SAE1: variants seen among roughly 807,000 people sequenced by gnomAD.
SAE1 encodes the protein SUMO-activating enzyme subunit 1.
A neutral mutation model predicts 40.6 loss-of-function variants in SAE1; 11 were observed. The observed-to-expected ratio is 0.27, with a 90% CI of 0.17 to 0.45. SAE1 has a LOEUF of 0.45. SAE1 is among the 20% of genes least tolerant of loss of function. SAE1 has a pLI of 1.00. For missense variants in SAE1, 373 were observed against 427.3 expected (o/e 0.87, Z 1.12); for synonymous variants, 155 against 154.3 (o/e 1.00, Z -0.03).
chr19:47,132,242 C>G (rs987781686), intron 1 of SAE1, among the ~76,000 whole-genome samples: 3 of 150,508 alleles, frequency 2.0e-5, no homozygotes, highest in African/African-American at 4.9e-5. Flanking sequence ...GGATTACAGA[C>G]GTGAGCCACT....
intron 6 of SAE1, chr19:47,180,004 C>T (rs925984717): frequency 2.5e-4 from 87 of 349,526 alleles, no homozygotes; most frequent in Non-Finnish European, 6.2e-5. Flanking sequence ...TGAATGTGGA[C>T]AGTGGGAAAG....
At chr19:47,179,847 T>A (rs2058495340) in intron 6 of SAE1, among the ~76,000 whole-genome samples, 1 of 152,168 alleles carries the variant, frequency 6.6e-6, no homozygotes, top group African/African-American at 2.4e-5. Flanking sequence ...TGAGCCACTT[T>A]GCCTGGCCTA....
chr19:47,160,371 G>A (rs547400242), intron 5 of SAE1, among the ~76,000 whole-genome samples: 4 of 148,352 alleles, frequency 2.7e-5, no homozygotes, highest in Admixed American at 6.8e-5. Flanking sequence ...ACAGGTGCGC[G>A]CCACCACGCC....
At chr19:47,183,802 C>T (rs2058526048) in intron 6 of SAE1, among the ~76,000 whole-genome samples, 2 of 152,202 alleles carry the variant, frequency 1.3e-5, no homozygotes, top group African/African-American at 4.8e-5. Context: ...TGGCAGAGAG[C>T]AGCAGATGCC....
At chr19:47,191,620 C>G (rs559201061) in intron 6 of SAE1, among the ~76,000 whole-genome samples, 1 of 152,312 alleles carries the variant, frequency 6.6e-6, no homozygotes, top group African/African-American at 2.4e-5. Context: ...GGCAGGAACC[C>G]TGTGCTAGAT....
At chr19:47,131,936 A>T (rs367653268) in intron 1 of SAE1, among the ~76,000 whole-genome samples, 2 of 151,500 alleles carry the variant, frequency 1.3e-5, no homozygotes, top group South Asian at 4.2e-4. Flanking sequence ...CCTTACCTCA[A>T]GTGATCCACC....
rs370442437 is a variant in SAE1 at position 47,154,726 on chromosome 19, C to T, written c.528-388C>T. ...GGCCAGGATGGTCTCAAACCCTTGA[C>T]CTCAGGTGACACGCCCGCCTTGGCC... On this transcript the variant is annotated intron_variant, in intron 4 of 8. Coordinates refer to ENST00000270225, the MANE Select transcript of SAE1 (RefSeq NM_005500.3). Among the ~76,000 whole-genome samples the T allele has an allele frequency of 1.6e-4, 24 of 152,118 alleles. 1 individual carries two copies. Among genetic ancestry groups the T allele is most frequent in the Admixed American group, 1.1e-3 (17 of 15,286 alleles).
intron 1 of SAE1, among the ~76,000 whole-genome samples, chr19:47,139,713 C>T (rs1485886781): frequency 1.3e-5 from 2 of 150,348 alleles, no homozygotes; most frequent in African/African-American, 4.9e-5. Context: ...CTCAGCCTCC[C>T]GAGTAGCTGG....
chr19:47,177,266 C>T (rs915232008), intron 6 of SAE1, among the ~76,000 whole-genome samples: 11 of 152,154 alleles, frequency 7.2e-5, no homozygotes, highest in African/African-American at 2.4e-4. Flanking sequence ...GTGTTCTTGC[C>T]AATGTGAAAG....
rs549778805 is a variant in SAE1, at chr19:47,196,497, G to T, written c.734-736G>T. On this transcript the variant is annotated intron_variant, in intron 6 of 8. Transcript: ENST00000270225. ...TCCTGCTTCAGTCTCCCAAGTAGCT[G>T]GGACTACAGGCACGTGTCACCACAC... is the stretch of plus-strand genomic sequence containing the variant. 2.1e-4 allele frequency among the ~76,000 whole-genome samples: 32 copies of T among 150,902 alleles called. 1 individual carries two copies. The highest frequency in any genetic ancestry group is 6.3e-4 in the South Asian group (3 of 4,762).
intron 7 of SAE1, among the ~76,000 whole-genome samples, chr19:47,202,809 C>T (rs560556117): frequency 4.6e-5 from 7 of 151,966 alleles, no homozygotes; most frequent in African/African-American, 1.7e-4. Context: ...ACTCAGGAGG[C>T]TGAGGCAGGA....
At chr19:47,180,092 G>A (rs1433769910) in intron 6 of SAE1, 2 of 438,810 alleles carry the variant, frequency 4.6e-6, no homozygotes, top group African/African-American at 4.0e-5. Context: ...CGTAGATGTA[G>A]TAATAGATGT....
At chr19:47,196,664 TC>T (rs1451072108) in intron 6 of SAE1, among the ~76,000 whole-genome samples, 1 of 151,530 alleles carries the variant, frequency 6.6e-6, no homozygotes, top group Non-Finnish European at 1.5e-5. Context: ...ACCCGGCTCT[TC>T]CAGGTCTTAA....
chr19:47,135,509 C>T (rs1328780312), intron 1 of SAE1: 1 of 152,138 alleles, frequency 6.6e-6, no homozygotes, highest in Non-Finnish European at 1.5e-5. Context: ...GACAGGATCT[C>T]ATTCCCTTTT....
At chr19:47,135,240 C>T (rs2123174534) in intron 1 of SAE1, among the ~76,000 whole-genome samples, 1 of 152,020 alleles carries the variant, frequency 6.6e-6, no homozygotes, top group East Asian at 1.9e-4. Context: ...CTGTAGTCAC[C>T]CTGTTATGCT....
chr19:47,147,757 CTG>C (rs2058263287), intron 2 of SAE1, among the ~76,000 whole-genome samples: 1 of 148,454 alleles, frequency 6.7e-6, no homozygotes, highest in Non-Finnish European at 1.5e-5. Context: ...CCAGCCTCAA[CTG>C]TATTTTTTTT....
At chr19:47,133,257 G>T (rs1044736166) in intron 1 of SAE1, among the ~76,000 whole-genome samples, 2 of 152,192 alleles carry the variant, frequency 1.3e-5, no homozygotes, top group African/African-American at 4.8e-5. Context: ...TTGCTCTGTG[G>T]CCCAGGCTGG....
At chr19:47,197,511 C>G in intron 7 of SAE1, 134 bp downstream of exon 7, 1 of 589,924 alleles carries the variant, frequency 1.7e-6, no homozygotes. Context: ...CTCCTGTAGA[C>G]TTCTGCCTCT....
chr19:47,187,849 G>T (rs2058553357), intron 6 of SAE1, among the ~76,000 whole-genome samples: 1 of 152,126 alleles, frequency 6.6e-6, no homozygotes, highest in Non-Finnish European at 1.5e-5. Flanking sequence ...GTGTCACTTT[G>T]TCATGAGCCC....
Sources: allele counts gnomAD v4.1 joint callset (sites outside exome capture counted in the v4.1 genomes callset), GRCh38; gene constraint gnomAD v4.1.1; transcripts MANE v1.5; gene names NCBI Gene and HGNC (gene_info 2026-07-23, HGNC 2026-07-21).